MAST2: variants seen among roughly 807,000 people sequenced by gnomAD.
MAST2 encodes microtubule-associated serine/threonine-protein kinase 2.
MAST2 carries 70 observed loss-of-function variants against 147.4 expected under a neutral mutation model. The ratio of observed to expected loss-of-function variants is 0.47; its 90% CI spans 0.39 to 0.58. MAST2 has a LOEUF of 0.58. MAST2 is among the 20% of genes least tolerant of loss of function. MAST2 has a pLI of 0.00. For synonymous variants in MAST2, 869 were observed against 896.8 expected (o/e 0.97, Z 0.55); for missense variants, 2,080 against 2,302.3 (o/e 0.90, Z 1.98).
intron 1 of MAST2, among the ~76,000 whole-genome samples, chr1:45,820,578 A>G (rs1303107590): frequency 2.6e-5 from 4 of 152,086 alleles, no homozygotes; most frequent in African/African-American, 9.7e-5. Context: ...AATATCATAG[A>G]TTTATAATTT....
At position 46,023,520 on chromosome 1, in the gene MAST2, C is replaced by T; in HGVS notation, c.1571+202C>T. 1.6e-6 allele frequency: 1 copy of T among 623,370 alleles called. No homozygotes were observed. The highest frequency in any genetic ancestry group is 2.7e-5 in the East Asian group (1 of 36,472). The allele number at this position is 623,370 out of a possible 1,614,324, so 38.6% of individuals were successfully genotyped here. On this transcript the variant is annotated intron_variant, in intron 14 of 28. Coordinates refer to ENST00000361297, the MANE Select transcript of MAST2 (RefSeq NM_015112.3). This position sits in a 1 kb window ranked among gnomAD's most constrained non-coding sequence, Gnocchi z 4.9. The stretch of plus-strand genomic sequence containing the variant: ...TCCTTTCCCAGACAAGATTCCCACG[C>T]CTCTTACTACCACGCATCCTCCATT...
At chr1:45,920,551 G>A (rs767321002) in intron 4 of MAST2, among the ~76,000 whole-genome samples, 3 of 152,188 alleles carry the variant, frequency 2.0e-5, no homozygotes, top group Non-Finnish European at 2.9e-5. Context: ...CCATAATGAT[G>A]AGAAGCAGAA....
At chr1:45,806,182 C>G (rs903243802) in intron 1 of MAST2, among the ~76,000 whole-genome samples, 4 of 152,186 alleles carry the variant, frequency 2.6e-5, no homozygotes, top group African/African-American at 7.2e-5. Context: ...CCTAGCACTA[C>G]TCTTTTACAG....
At chr1:45,931,710 T>A (rs1655334775) in intron 4 of MAST2, among the ~76,000 whole-genome samples, 1 of 151,936 alleles carries the variant, frequency 6.6e-6, no homozygotes, top group Admixed American at 6.6e-5. Context: ...GTGAAACTAG[T>A]CTCGAACTCC....
rs1039902970 is a variant in MAST2 at position 46,035,976 on chromosome 1, G to C, written c.5307G>C (p.Glu1769Asp). The C allele has an allele frequency of 7.4e-6, 12 of 1,613,948 alleles. No homozygotes were observed. Among genetic ancestry groups the C allele is most frequent in the Non-Finnish European group, 8.5e-6 (10 of 1,180,040 alleles). Residue 1769 changes from glutamate to aspartate, a missense_variant, in exon 29 of 29, where the codon GAG (glutamate) becomes GAC (aspartate). This residue lies in a region of MAST2 where 1,278 missense variants were observed against 1,304.2 expected (regional missense o/e 0.98). Transcript: ENST00000361297. This position sits in a 1 kb window ranked among gnomAD's most constrained non-coding sequence, Gnocchi z 5.5. ...CRGCPLTQKS[E>D]PSLRRGQEPG... ...GCTGCCCCCTCACCCAGAAGTCTGAGCCCAGCCTCAGGAGGGGCCAAGAAC... is the reference window on the plus strand; with the variant it reads ...GCTGCCCCCTCACCCAGAAGTCTGACCCCAGCCTCAGGAGGGGCCAAGAAC...
intron 4 of MAST2, among the ~76,000 whole-genome samples, chr1:45,907,272 A>G (rs775283785): frequency 6.6e-6 from 1 of 152,078 alleles, no homozygotes. Context: ...GTGAGTTTTT[A>G]TAGTTAGTAC....
In MAST2 at chr1:46,035,654, T is replaced by C. The variant is rs771417705; in HGVS notation, c.4985T>C (p.Ile1662Thr). The C allele has an allele frequency of 1.2e-5, 19 of 1,613,952 alleles. No homozygotes were observed. The East Asian group carries it at 3.1e-4, about 27-fold the overall frequency. ...AGCATGTGGTCCTGGAAATCCCTTA[T>C]TGAGGGCCCAGACAGGGCATCCCCA... ...KLSMWSWKSLIEGPDRASPSR... is the reference protein window; with the variant it reads ...KLSMWSWKSLTEGPDRASPSR... The change falls in exon 29 of 29, where the codon ATT becomes ACT. Residue 1662 changes from isoleucine (I) to threonine (T), a missense_variant. This residue lies in a region of MAST2 where 1,278 missense variants were observed against 1,304.2 expected (regional missense o/e 0.98). Coordinates refer to ENST00000361297, the MANE Select transcript of MAST2 (RefSeq NM_015112.3). This position sits in a 1 kb window ranked among gnomAD's most constrained non-coding sequence, Gnocchi z 5.5.
At position 45,945,449 on chromosome 1, in the gene MAST2, G is replaced by A. The variant is rs1657888839; in HGVS notation, c.501-13937G>A. On this transcript the variant is annotated intron_variant, in intron 4 of 28. Transcript: ENST00000361297. ...CCATGATGATACTGGTCTATTGAAAGTGGGGGGCCTGGTCCTTATGTAGCG... is the reference window on the plus strand; with the variant it reads ...CCATGATGATACTGGTCTATTGAAAATGGGGGGCCTGGTCCTTATGTAGCG... 2.0e-5 allele frequency among the ~76,000 whole-genome samples: 3 copies of A among 152,216 alleles called. No homozygotes were observed. In the South Asian group the frequency reaches 6.2e-4, roughly 32 times the overall value.
rs12131018 is a variant in MAST2, at chr1:45,926,862, A to T, written c.501-32524A>T. Among the ~76,000 whole-genome samples the T allele has an allele frequency of 9.2e-3, 1,404 of 152,290 alleles. 12 individuals carry two copies. Among genetic ancestry groups the T allele is most frequent in the Non-Finnish European group, 0.013 (904 of 68,022 alleles). On this transcript the variant is annotated intron_variant, in intron 4 of 28. Transcript: ENST00000361297. Reference sequence around the variant, plus strand: ...TTTTCATAGACCCTGGCTCCAGGTGACCCTGAATGAAGATATAATCCTGTA... The same window carrying T: ...TTTTCATAGACCCTGGCTCCAGGTGTCCCTGAATGAAGATATAATCCTGTA...
chr1:45,910,108 AGTT>A (rs1013637161), intron 4 of MAST2, among the ~76,000 whole-genome samples: 2 of 131,272 alleles, frequency 1.5e-5, no homozygotes, highest in Non-Finnish European at 3.2e-5. Context: ...TTTTGTGTGC[AGTT>A]GTTTTTTTTT....
intron 1 of MAST2, among the ~76,000 whole-genome samples, chr1:45,817,853 CA>C (rs1473018760): frequency 6.6e-6 from 1 of 152,172 alleles, no homozygotes; most frequent in African/African-American, 2.4e-5. Flanking sequence ...TAGGCTCAAA[CA>C]CATCTTTATT....
chr1:46,007,036 A>T (rs989454850), intron 8 of MAST2, among the ~76,000 whole-genome samples: 2 of 152,248 alleles, frequency 1.3e-5, no homozygotes, highest in Non-Finnish European at 2.9e-5. Flanking sequence ...GCACATCTTC[A>T]TCAAACCAAA....
chr1:45,815,214 G>C (rs1328507329), intron 1 of MAST2, among the ~76,000 whole-genome samples: 2 of 148,702 alleles, frequency 1.3e-5, no homozygotes, highest in African/African-American at 5.0e-5. Flanking sequence ...CTGTCTCCCA[G>C]TCTGGAGTGC....
intron 5 of MAST2, among the ~76,000 whole-genome samples, chr1:45,983,859 G>A (rs920890188): frequency 6.6e-6 from 1 of 152,090 alleles, no homozygotes; most frequent in African/African-American, 2.4e-5. Context: ...GGGATAAGGG[G>A]CACAAACACT....
At chr1:46,005,067 T>TA (rs1015586085) in intron 7 of MAST2, among the ~76,000 whole-genome samples, 40 of 152,076 alleles carry the variant, frequency 2.6e-4, no homozygotes, top group Admixed American at 1.1e-3. Flanking sequence ...ATCCTGTCTC[T>TA]AAAAAAACAA....
intron 5 of MAST2, among the ~76,000 whole-genome samples, chr1:45,995,106 C>G (rs968903532): frequency 7.9e-5 from 12 of 152,120 alleles, no homozygotes; most frequent in Admixed American, 7.2e-4. Flanking sequence ...TCCCAAAGTG[C>G]TGGGATTACG....
chr1:45,902,460 CAGATTTTGG>C (rs1649943111), intron 4 of MAST2, among the ~76,000 whole-genome samples: 1 of 151,906 alleles, frequency 6.6e-6, no homozygotes, highest in Admixed American at 6.6e-5. Flanking sequence ...GTGTCCTTCT[CAGATTTTGG>C]TATCAGGATG....
chr1:45,842,066 G>A (rs1330872031), intron 3 of MAST2, among the ~76,000 whole-genome samples: 1 of 152,084 alleles, frequency 6.6e-6, no homozygotes, highest in Admixed American at 6.6e-5. Context: ...TCTTCGGATG[G>A]TCTGCTTGAT....
intron 1 of MAST2, among the ~76,000 whole-genome samples, chr1:45,813,520 C>T (rs1361045832): frequency 1.5e-5 from 2 of 133,368 alleles, no homozygotes; most frequent in Admixed American, 7.9e-5. Flanking sequence ...TTTTTTGAGA[C>T]GAAGTTTTGC....
Sources: allele counts gnomAD v4.1 joint callset (sites outside exome capture counted in the v4.1 genomes callset), GRCh38; gene constraint gnomAD v4.1.1; regional missense constraint gnomAD v4.1.1; non-coding constraint Gnocchi (gnomAD v3.1); transcripts MANE v1.5; gene names NCBI Gene and HGNC (gene_info 2026-07-23, HGNC 2026-07-21).